The following FBLN7 variants were observed in gnomAD, a reference collection of about 807,000 sequenced individuals.
FBLN7 encodes fibulin-7.
FBLN7 carries 31 observed loss-of-function variants against 44.0 expected under a neutral mutation model. The observed-to-expected ratio is 0.70, with a 90% CI of 0.53 to 0.95. The LOEUF is 0.95. FBLN7 is among the 40% of genes least tolerant of loss of function. The pLI, the probability that FBLN7 is intolerant of heterozygous loss-of-function variation, is 0.00. For missense variants in FBLN7, 573 were observed against 618.5 expected (o/e 0.93, Z 0.78); for synonymous variants, 262 against 253.4 (o/e 1.03, Z -0.32).
chr2:112,172,836 G>C (rs1311889410), intron 3 of FBLN7, among the ~76,000 whole-genome samples: 1 of 152,064 alleles, frequency 6.6e-6, no homozygotes, highest in East Asian at 1.9e-4. Context: ...GTTTCGCCAT[G>C]TTGGCCAGGC....
the FBLN7 span, among the ~76,000 whole-genome samples, chr2:112,233,668 CCATCCTGGCTAACACG>C: frequency 6.6e-6 from 1 of 152,078 alleles, no homozygotes; most frequent in Non-Finnish European, 1.5e-5. Flanking sequence ...GAGATCGAGA[CCATCCTGGCTAACACG>C]GTGAAACCTC....
the FBLN7 span, among the ~76,000 whole-genome samples, chr2:112,243,575 T>G: frequency 5.3e-5 from 8 of 151,670 alleles, no homozygotes; most frequent in African/African-American, 2.0e-4. Flanking sequence ...AATAATTACC[T>G]CACAAAGAAG....
the FBLN7 span, among the ~76,000 whole-genome samples, chr2:112,209,769 C>T: frequency 1.3e-5 from 2 of 152,052 alleles, no homozygotes; most frequent in African/African-American, 4.8e-5. Flanking sequence ...GGATGGCCAC[C>T]TGACATAGTG....
chr2:112,208,764 T>G, the FBLN7 span, among the ~76,000 whole-genome samples: 4 of 152,172 alleles, frequency 2.6e-5, no homozygotes, highest in South Asian at 8.3e-4. Flanking sequence ...ACTCCAAAAT[T>G]TATATTTCCA....
chr2:112,160,418 C>T (rs2104563892), intron 2 of FBLN7, among the ~76,000 whole-genome samples: 1 of 152,322 alleles, frequency 6.6e-6, no homozygotes, highest in East Asian at 1.9e-4. Context: ...CCTTTTCATT[C>T]TGGCCTTAAC....
chr2:112,224,414 T>A, the FBLN7 span, among the ~76,000 whole-genome samples: 1 of 152,202 alleles, frequency 6.6e-6, no homozygotes, highest in African/African-American at 2.4e-5. Flanking sequence ...TTCATTAACT[T>A]GACAGAGTTT....
At chr2:112,239,414 A>C in the FBLN7 span, among the ~76,000 whole-genome samples, 1 of 152,208 alleles carries the variant, frequency 6.6e-6, no homozygotes, top group Non-Finnish European at 1.5e-5. Context: ...TGGCATGCCT[A>C]TCATTACAGT....
the FBLN7 span, among the ~76,000 whole-genome samples, chr2:112,201,986 A>G: frequency 2.0e-5 from 3 of 152,370 alleles, no homozygotes; most frequent in South Asian, 4.1e-4. Flanking sequence ...TTATATTATT[A>G]TGTAACAAAT....
At chr2:112,240,966 TGTGTGTGTGTGTGTGTGTGC>T in the FBLN7 span, among the ~76,000 whole-genome samples, 1 of 144,654 alleles carries the variant, frequency 6.9e-6, no homozygotes, top group Non-Finnish European at 1.5e-5. Flanking sequence ...TGTGTGTGTG[TGTGTGTGTGTGTGTGTGTGC>T]GCGTGTGTAT....
At chr2:112,219,564 A>G in the FBLN7 span, among the ~76,000 whole-genome samples, 1 of 152,194 alleles carries the variant, frequency 6.6e-6, no homozygotes, top group Admixed American at 6.5e-5. Context: ...GTTAACTTCC[A>G]TGTAATTGTA....
chr2:112,221,699 C>G, the FBLN7 span, among the ~76,000 whole-genome samples: 1 of 152,004 alleles, frequency 6.6e-6, no homozygotes, highest in East Asian at 1.9e-4. Flanking sequence ...CTAGTGTGTT[C>G]TTCAGCTTTA....
At chr2:112,165,607 C>G (rs1256308905) in intron 3 of FBLN7, among the ~76,000 whole-genome samples, 1 of 152,072 alleles carries the variant, frequency 6.6e-6, no homozygotes, top group Non-Finnish European at 1.5e-5. Context: ...GGGAAAGGGA[C>G]CAGAGGAAGG....
At chr2:112,226,713 G>C in the FBLN7 span, among the ~76,000 whole-genome samples, 2 of 151,752 alleles carry the variant, frequency 1.3e-5, no homozygotes, top group Non-Finnish European at 2.9e-5. Context: ...ACTCATTCTA[G>C]GAGGCCAGTA....
chr2:112,165,026 C>T lies in FBLN7; in HGVS notation c.261C>T (p.Pro87=), dbSNP rs112664132. ...TTTCCTGCCCGGCTCTGAACACCCC[C>T]GCAGACGGCAGAAAGTTTGGAAGCA... is the stretch of plus-strand genomic sequence containing the variant. ...LPVSCPALNT[P]ADGRKFGSKY... Residue 87 remains proline, a synonymous_variant, in exon 3 of 8, where the codon CCC becomes CCT. Transcript: ENST00000331203. The T allele has an allele frequency of 1.1e-4, 181 of 1,614,160 alleles. No homozygotes were observed. In the East Asian group the frequency reaches 1.6e-3, roughly 14 times the overall value.
At chr2:112,230,183 C>T in the FBLN7 span, among the ~76,000 whole-genome samples, 1 of 152,180 alleles carries the variant, frequency 6.6e-6, no homozygotes, top group African/African-American at 2.4e-5. Context: ...TCTATTTTTA[C>T]ATCCACTAAA....
the FBLN7 span, among the ~76,000 whole-genome samples, chr2:112,222,658 TATATG>T: frequency 5.9e-5 from 9 of 152,156 alleles, no homozygotes; most frequent in Admixed American, 2.6e-4. Context: ...TGATTTCACT[TATATG>T]AGATAAAAAA....
the FBLN7 span, among the ~76,000 whole-genome samples, chr2:112,208,550 G>A: frequency 6.6e-6 from 1 of 152,118 alleles, no homozygotes; most frequent in African/African-American, 2.4e-5. Flanking sequence ...TATTCTGTTT[G>A]ATCCATCCAC....
the FBLN7 span, chr2:112,232,061 T>C: frequency 9.5e-6 from 5 of 524,214 alleles, no homozygotes; most frequent in Non-Finnish European, 1.6e-5. Context: ...AGGTGGCTCA[T>C]GCCTGTAGGA....
downstream of FBLN7, among the ~76,000 whole-genome samples, chr2:112,190,860 T>TACTA (rs1396023868): frequency 6.6e-6 from 1 of 152,202 alleles, no homozygotes; most frequent in Non-Finnish European, 1.5e-5. Flanking sequence ...GTTTCTTGGC[T>TACTA]TTAGTGGCTA....
Sources: allele counts gnomAD v4.1 joint callset (sites outside exome capture counted in the v4.1 genomes callset), GRCh38; gene constraint gnomAD v4.1.1; transcripts MANE v1.5; gene names NCBI Gene and HGNC (gene_info 2026-07-23, HGNC 2026-07-21).